Variants in EXOC6 observed in about 807,000 individuals in gnomAD.
EXOC6 encodes the protein SEC15-like 1.
EXOC6 carries 60 observed loss-of-function variants against 112.5 expected under a neutral mutation model. That is an observed-to-expected ratio of 0.53 (90% CI 0.43 to 0.66). The LOEUF (loss-of-function observed/expected upper bound fraction) is 0.66, where lower values mean the gene tolerates loss of function less well. EXOC6 is among the 30% of genes least tolerant of loss of function. The probability of loss-of-function intolerance (pLI) is 0.00; values close to 1 mark genes in which losing one functional copy is unlikely to be tolerated. For missense variants in EXOC6, 855 were observed against 957.1 expected, an observed-to-expected ratio of 0.89 and a Z score of 1.41; for synonymous variants, 295 against 308.0, an observed-to-expected ratio of 0.96 and a Z score of 0.44.
intron 1 of EXOC6, among the ~76,000 whole-genome samples, chr10:92,829,505 A>G (rs541776953): frequency 3.1e-4 from 47 of 152,312 alleles, no homozygotes; most frequent in Middle Eastern, 3.4e-3. Flanking sequence ...GCCAGACAAC[A>G]ACACCACTTC....
chr10:92,953,977 T>C (rs1799882582), intron 15 of EXOC6, among the ~76,000 whole-genome samples: 1 of 152,210 alleles, frequency 6.6e-6, no homozygotes, highest in African/African-American at 2.4e-5. Context: ...ATGAAGTTTC[T>C]TTCAAAGTGA....
chr10:93,023,668 TAC>T (rs1279049573), intron 20 of EXOC6, among the ~76,000 whole-genome samples: 1 of 152,238 alleles, frequency 6.6e-6, no homozygotes, highest in Non-Finnish European at 1.5e-5. Flanking sequence ...GGACTTGATA[TAC>T]TTATTTGTGT....
At chr10:93,042,102 C>T (rs1254919963) in intron 20 of EXOC6, among the ~76,000 whole-genome samples, 1 of 152,204 alleles carries the variant, frequency 6.6e-6, no homozygotes, top group Non-Finnish European at 1.5e-5. Context: ...ACCCCTTCTC[C>T]AGCCTGTCTT....
chr10:92,888,751 G>T (rs1421851463), intron 1 of EXOC6, among the ~76,000 whole-genome samples: 2 of 152,146 alleles, frequency 1.3e-5, no homozygotes, highest in Non-Finnish European at 2.9e-5. Context: ...TCATAATCAT[G>T]ACATAAAAAT....
At chr10:92,827,828 A>G (rs1418262609) in intron 1 of EXOC6, among the ~76,000 whole-genome samples, 3 of 152,230 alleles carry the variant, frequency 2.0e-5, no homozygotes, top group East Asian at 3.9e-4. Context: ...CAGGCCCCCA[A>G]TTCAACGCTG....
At chr10:92,887,491 G>A (rs1849286041) in intron 1 of EXOC6, among the ~76,000 whole-genome samples, 1 of 149,166 alleles carries the variant, frequency 6.7e-6, no homozygotes, top group Non-Finnish European at 1.5e-5. Context: ...TCTGCCTCCC[G>A]GGTTCAAGCA....
chr10:92,919,203 C>T (rs1851289654), intron 7 of EXOC6, among the ~76,000 whole-genome samples: 1 of 152,134 alleles, frequency 6.6e-6, no homozygotes, highest in African/African-American at 2.4e-5. Context: ...ACCCCCAGAC[C>T]TTTACATTTA....
At chr10:93,028,834 CAA>C (rs59650538) in intron 20 of EXOC6, among the ~76,000 whole-genome samples, 119 of 79,154 alleles carry the variant, frequency 1.5e-3, no homozygotes, top group African/African-American at 4.4e-3. Context: ...AACTCCATCT[CAA>C]AAAAAAAAAA....
intron 16 of EXOC6, among the ~76,000 whole-genome samples, chr10:92,955,017 C>A (rs1853613483): frequency 1.3e-5 from 2 of 151,998 alleles, no homozygotes; most frequent in African/African-American, 2.4e-5. Flanking sequence ...TATAGTGAGA[C>A]CCTGTTTCTA....
intron 18 of EXOC6, among the ~76,000 whole-genome samples, chr10:92,974,835 C>G (rs946117798): frequency 5.3e-5 from 8 of 152,204 alleles, no homozygotes; most frequent in Admixed American, 5.2e-4. Context: ...CCCGAGGTGC[C>G]GGGATTGCAG....
At chr10:92,903,111 T>C (rs1850261949) in intron 5 of EXOC6, among the ~76,000 whole-genome samples, 1 of 152,102 alleles carries the variant, frequency 6.6e-6, no homozygotes, top group South Asian at 2.1e-4. Context: ...TAAGAAACCG[T>C]TAAATACTTT....
intron 8 of EXOC6, among the ~76,000 whole-genome samples, chr10:92,923,870 T>TA (rs1851571290): frequency 6.6e-6 from 1 of 152,174 alleles, no homozygotes; most frequent in African/African-American, 2.4e-5. Flanking sequence ...CCTTCACTGA[T>TA]ACTCAGTACT....
At chr10:93,047,639 A>G (rs1846061991) in intron 20 of EXOC6, among the ~76,000 whole-genome samples, 1 of 151,642 alleles carries the variant, frequency 6.6e-6, no homozygotes, top group Non-Finnish European at 1.5e-5. Flanking sequence ...TTTGTCAATA[A>G]ATCAGATGGA....
intron 19 of EXOC6, among the ~76,000 whole-genome samples, chr10:93,010,934 T>G (rs1844210360): frequency 6.6e-6 from 1 of 152,086 alleles, no homozygotes; most frequent in Non-Finnish European, 1.5e-5. Flanking sequence ...ATTTTGACAT[T>G]GAGCTCTTTG....
chr10:92,980,975 C>T (rs552057243), intron 18 of EXOC6, among the ~76,000 whole-genome samples: 1 of 152,064 alleles, frequency 6.6e-6, no homozygotes, highest in Non-Finnish European at 1.5e-5. Flanking sequence ...TGCAGTGAGC[C>T]TAGATCGCGC....
At chr10:92,914,387 G>T (rs969409703) in intron 6 of EXOC6, among the ~76,000 whole-genome samples, 2 of 152,150 alleles carry the variant, frequency 1.3e-5, no homozygotes, top group African/African-American at 4.8e-5. Context: ...AAGTTAAGCG[G>T]ATTTCTTTAC....
chr10:92,996,730 C>T (rs1481933772), intron 18 of EXOC6, among the ~76,000 whole-genome samples: 1 of 152,060 alleles, frequency 6.6e-6, no homozygotes, highest in Non-Finnish European at 1.5e-5. Flanking sequence ...CAGTAAAGTT[C>T]ATGTAGAGTT....
At chr10:92,986,005 G>T (rs556724751) in intron 18 of EXOC6, among the ~76,000 whole-genome samples, 150 of 151,766 alleles carry the variant, frequency 9.9e-4, no homozygotes, top group African/African-American at 3.5e-3. Context: ...TTAAAAATTG[G>T]TTTTTCTTAC....
At chr10:92,960,325 A>C (rs1330172421) in intron 17 of EXOC6, among the ~76,000 whole-genome samples, 2 of 152,174 alleles carry the variant, frequency 1.3e-5, no homozygotes, top group African/African-American at 4.8e-5. Flanking sequence ...GGAGGCAATA[A>C]AAAAATTAAT....
Sources: allele counts gnomAD v4.1 joint callset (sites outside exome capture counted in the v4.1 genomes callset), GRCh38; gene constraint gnomAD v4.1.1; transcripts MANE v1.5; gene names NCBI Gene and HGNC (gene_info 2026-07-23, HGNC 2026-07-21).